TM7SF2: variants seen among roughly 807,000 people sequenced by gnomAD.
TM7SF2 encodes transmembrane 7 superfamily member 2, also known as delta(14)-sterol reductase TM7SF2.
In TM7SF2, 51 loss-of-function variants were observed where a neutral mutation model predicts 51.0. The observed-to-expected ratio is 1.00, with a 90% confidence interval of 0.80 to 1.26. TM7SF2 has a LOEUF of 1.26. Among genes scored for constraint, TM7SF2 ranks in the 50% most tolerant of loss-of-function variants. TM7SF2 has a pLI of 0.00. For missense variants in TM7SF2, 541 were observed against 547.4 expected (o/e 0.99, Z 0.12); for synonymous variants, 255 against 241.0 (o/e 1.06, Z -0.54).
chr11:65,113,032 G>A (rs1312252927), intron 3 of TM7SF2, 167 bp downstream of exon 3: 24 of 1,054,202 alleles, frequency 2.3e-5, no homozygotes, highest in Non-Finnish European at 1.9e-5. Flanking sequence ...CGTCCCCACA[G>A]CCTTACCCCA....
rs1947926536 is a variant in TM7SF2 at position 65,112,826 on chromosome 11, G to T, written c.265G>T (p.Glu89Ter). 2.6e-6 allele frequency: 4 copies of T among 1,550,588 alleles called. No individual in the cohort carries two copies. Among genetic ancestry groups the T allele is most frequent in the African/African-American group, 2.7e-5 (2 of 73,200 alleles). Residue 89 changes from glutamate to a stop codon, truncating the protein, a stop_gained, in exon 3 of 10, where the codon GAA becomes TAA. Coordinates refer to ENST00000279263, the MANE Select transcript of TM7SF2 (RefSeq NM_003273.6). LOFTEE classifies it high-confidence loss of function. ...GGACCCGCAGGTGGCCGAGGGGCAG[G>T]AATTGAAGGACAAGAGTCGCCTGCG... The part of the protein sequence containing the change: ...LPARKVAEGQ[E>*]LKDKSRLRYP...
intron 3 of TM7SF2, 151 bp downstream of exon 3, chr11:65,113,016 G>T: frequency 9.1e-7 from 1 of 1,095,584 alleles, no homozygotes; most frequent in Non-Finnish European, 1.3e-6. Flanking sequence ...CTCTCCCTAT[G>T]CCCCTCGTCC....
chr11:65,112,603 A>G lies in TM7SF2; in HGVS notation c.141A>G (p.Pro47=). The G allele has an allele frequency of 6.6e-7, 1 of 1,518,238 alleles. No individual in the cohort carries two copies. Among genetic ancestry groups the G allele is most frequent in the Non-Finnish European group, 8.8e-7 (1 of 1,139,250 alleles). 94.0% of individuals were successfully genotyped at this position (1,518,238 alleles called of 1,614,324 possible). ...ARSGPARLLG[P]PASLPGLEVL... The stretch of plus-strand genomic sequence containing the variant: ...CGGGCCCCGCGCGCCTGCTGGGTCC[A>G]CCCGCGTCCCTGCCGGGGCTGGAGG... The change falls in exon 2 of 10, where the codon CCA becomes CCG. Residue 47 remains proline, a synonymous_variant. Transcript: ENST00000279263.
chr11:65,115,526 TGGTGG>T lies in TM7SF2; in HGVS notation c.1028_1032del (p.Trp343TyrfsTer43), dbSNP rs777335602. On this transcript the variant is annotated frameshift_variant, in exon 9 of 10. Transcript: ENST00000279263. LOFTEE classifies it high-confidence loss of function. ...AGGGCGGAAACTGCTGGTGTCTGGG[TGGTGG>T]GGTATGGTCCGCCATCCCAACTATC... 1 of 1,614,060 alleles carries T rather than the reference TGGTGG, an allele frequency of 6.2e-7. No homozygotes were observed. The highest frequency in any genetic ancestry group is 8.5e-7 in the Non-Finnish European group (1 of 1,180,008).
Position 65,116,126 on chromosome 11 carries a change from C to T in TM7SF2, c.*73C>T. Reference sequence around the variant, plus strand: ...GCACACCCAGGACCAGGAGCCTCGACACACTTGGGACTCAAGGGCTTGCAC... The same window carrying T: ...GCACACCCAGGACCAGGAGCCTCGATACACTTGGGACTCAAGGGCTTGCAC... On this transcript the variant is annotated 3_prime_UTR_variant, in exon 10 of 10. Transcript: ENST00000279263. 6.5e-7 allele frequency: 1 copy of T among 1,539,142 alleles called. No individual in the cohort carries two copies. The highest frequency in any genetic ancestry group is 1.2e-5 in the South Asian group (1 of 84,104).
rs367578927 is a variant in TM7SF2 at position 65,116,079 on chromosome 11, G to T, written c.*26G>T. 130 of 1,592,782 alleles carry T rather than the reference G, an allele frequency of 8.2e-5. No individual in the cohort carries two copies. In the African/African-American group the frequency reaches 1.6e-3, roughly 20 times the overall value. ...AGCGGCTCCACCACCCCAGGTGGGG[G>T]CATGTGCCCACTCATCCACCAGCAC... On this transcript the variant is annotated 3_prime_UTR_variant, in exon 10 of 10. Coordinates refer to ENST00000279263, the MANE Select transcript of TM7SF2 (RefSeq NM_003273.6).
Position 65,114,843 on chromosome 11 carries a change from A to C in TM7SF2, c.723+11A>C. On this transcript the variant is annotated intron_variant, in intron 6 of 9. Transcript: ENST00000279263. The stretch of plus-strand genomic sequence containing the variant: ...GCCCTCTGGCACGAGGTGAGGCTGG[A>C]CTGGACGAGGGTGGGTGTCTGAGGG... 6.2e-7 allele frequency: 1 copy of C among 1,614,218 alleles called. No individual in the cohort carries two copies. The highest frequency in any genetic ancestry group is 8.5e-7 in the Non-Finnish European group (1 of 1,180,030).
At chr11:65,112,375 G>C in intron 1 of TM7SF2, 140 bp from the exon 2 acceptor site, 1 of 986,926 alleles carries the variant, frequency 1.0e-6, no homozygotes, top group Non-Finnish European at 1.4e-6. Flanking sequence ...GTGCCTGGGG[G>C]CCGAGGGCTG....
chr11:65,113,113 C>A, intron 3 of TM7SF2, 107 bp from the exon 4 acceptor site: 1 of 1,281,456 alleles, frequency 7.8e-7, no homozygotes, highest in Non-Finnish European at 1.0e-6. Context: ...CAGCCTAATG[C>A]TTGGGGCAGG....
At chr11:65,115,774 G>A (rs769613136) in intron 9 of TM7SF2, 119 bp from the exon 10 acceptor site, 12 of 1,579,924 alleles carry the variant, frequency 7.6e-6, no homozygotes, top group South Asian at 4.5e-5. Flanking sequence ...CTTTGCTGCA[G>A]ACCCTGGCGC....
chr11:65,113,416 T>A lies in TM7SF2; in HGVS notation c.499+2T>A. The A allele has an allele frequency of 6.2e-7, 1 of 1,614,128 alleles. No homozygotes were observed. Among genetic ancestry groups the A allele is most frequent in the Non-Finnish European group, 8.5e-7 (1 of 1,179,996 alleles). On this transcript the variant is annotated splice_donor_variant, in intron 4 of 9. Transcript: ENST00000279263. LOFTEE classifies it high-confidence loss of function. ...CCCTGGCACCTGGGGGGAACTCAGGTGAGAGGGGTCCTGGGGTGGAGACGG... is the reference window on the plus strand; with the variant it reads ...CCCTGGCACCTGGGGGGAACTCAGGAGAGAGGGGTCCTGGGGTGGAGACGG...
Position 65,112,570 on chromosome 11 carries a change from G to T in TM7SF2, c.108G>T (p.Ala36=), listed in dbSNP as rs763686518. The change falls in exon 2 of 10, where the codon GCG becomes GCT. Residue 36 remains alanine (A), a synonymous_variant. Coordinates refer to ENST00000279263, the MANE Select transcript of TM7SF2 (RefSeq NM_003273.6). ...LPATMFHLLL[A]ARSGPARLLG... ...CCACCATGTTCCACCTGCTCCTGGC[G>T]GCCCGTTCGGGCCCCGCGCGCCTGC... is the stretch of plus-strand genomic sequence containing the variant. 53 of 1,522,322 alleles carry T rather than the reference G, an allele frequency of 3.5e-5. 1 individual carries two copies. The Admixed American group carries it at 1.0e-3, about 30-fold the overall frequency. The allele number at this position is 1,522,322 out of a possible 1,614,324, so 94.3% of individuals were successfully genotyped here.
intron 9 of TM7SF2, 47 bp from the exon 10 acceptor site, chr11:65,115,845 CG>C: frequency 6.2e-7 from 1 of 1,613,402 alleles, no homozygotes. Context: ...TTGTGAACTG[CG>C]GGGTGGAGGG....
At position 65,115,990 on chromosome 11, in the gene TM7SF2, C is replaced by T. The variant is rs183160005; in HGVS notation, c.1194C>T (p.Tyr398=). The change falls in exon 10 of 10, where the codon TAC becomes TAT. Residue 398 remains tyrosine, a synonymous_variant. Coordinates refer to ENST00000279263, the MANE Select transcript of TM7SF2 (RefSeq NM_003273.6). ...ATGAGCGGCAGTGCCTGCAGAAGTA[C>T]GGCCTGGCCTGGCAGGAGTACTGCC... ...ARDERQCLQK[Y]GLAWQEYCRR... is the part of the protein sequence containing the mutation. The T allele has an allele frequency of 9.1e-4, 1,475 of 1,613,282 alleles. 2 individuals are homozygous for T. The highest frequency in any genetic ancestry group is 1.2e-3 in the Non-Finnish European group (1,428 of 1,180,010).
In TM7SF2 at chr11:65,112,532, C is replaced by A; in HGVS notation, c.70C>A (p.Leu24Met). The A allele has an allele frequency of 6.5e-7, 1 of 1,530,528 alleles. No homozygotes were observed. The highest frequency in any genetic ancestry group is 1.4e-5 in the African/African-American group (1 of 70,200). 94.8% of individuals were successfully genotyped at this position (1,530,528 alleles called of 1,614,324 possible). The change falls in exon 2 of 10, where the codon CTG (leucine) becomes ATG (methionine). Residue 24 changes from leucine to methionine, a missense_variant. By Grantham distance (15) the Leu-to-Met change is conservative (BLOSUM62 2). Coordinates refer to ENST00000279263, the MANE Select transcript of TM7SF2 (RefSeq NM_003273.6). ...GGPLGAAALLLLLPATMFHLL... is the reference protein window; with the variant it reads ...GGPLGAAALLMLLPATMFHLL... The stretch of plus-strand genomic sequence containing the variant: ...TCCCGCAGGCGCCGCGGCTCTGCTA[C>A]TGCTGCTGCCCGCCACCATGTTCCA...
Position 65,115,447 on chromosome 11 carries a change from G to C in TM7SF2, c.974-29G>C, listed in dbSNP as rs529486351. The C allele has an allele frequency of 2.0e-4, 324 of 1,614,182 alleles. 2 individuals are homozygous for C. In the South Asian group the frequency reaches 3.3e-3, roughly 16 times the overall value. On this transcript the variant is annotated intron_variant, in intron 8 of 9. Coordinates refer to ENST00000279263, the MANE Select transcript of TM7SF2 (RefSeq NM_003273.6). ...GAGGTGGGGCAGCTGGGCTTCCTGG[G>C]AACTCTCCACCCTGCTGTCTTTCCC...
At position 65,111,918 on chromosome 11, in the gene TM7SF2, C is replaced by T. The variant is rs1172819256; in HGVS notation, c.-98C>T. 7.4e-6 allele frequency: 10 copies of T among 1,357,324 alleles called. No homozygotes were observed. The highest frequency in any genetic ancestry group is 2.5e-5 in the East Asian group (1 of 40,060). The allele number at this position is 1,357,324 out of a possible 1,614,324, so 84.1% of individuals were successfully genotyped here. On this transcript the variant is annotated 5_prime_UTR_variant, in exon 1 of 10. Transcript: ENST00000279263. ...AGGTGCAGGCGCCGCGGGGCCGGAT[C>T]CTCCGCGCGGCCGAGTCCATCTCCT...
At chr11:65,115,826 T>G in intron 9 of TM7SF2, 67 bp from the exon 10 acceptor site, 6 of 1,611,336 alleles carry the variant, frequency 3.7e-6, no homozygotes, top group Non-Finnish European at 5.1e-6. Context: ...CCATGAGGTG[T>G]GGAAACGTTT....
chr11:65,113,234 G>A lies in TM7SF2; in HGVS notation c.319G>A (p.Val107Met). The A allele has an allele frequency of 6.2e-7, 1 of 1,601,574 alleles. No individual in the cohort carries two copies. The highest frequency in any genetic ancestry group is 1.1e-5 in the South Asian group (1 of 90,908). The part of the protein sequence containing the change: ...RYPINGFQAL[V>M]LTALLVGLGM... ...CTGTGGTTCAGGCTTCCAGGCCCTG[G>A]TGCTGACAGCCCTGTTGGTGGGGCT... Residue 107 changes from valine to methionine, a missense_variant, in exon 4 of 10, where the codon GTG (valine) becomes ATG (methionine). Coordinates refer to ENST00000279263, the MANE Select transcript of TM7SF2 (RefSeq NM_003273.6).
Sources: allele counts gnomAD v4.1 joint callset, GRCh38; gene constraint gnomAD v4.1.1; transcripts MANE v1.5; gene names NCBI Gene and HGNC (gene_info 2026-07-23, HGNC 2026-07-21).